The following GNAL variants were observed in gnomAD, a reference collection of about 807,000 sequenced individuals.
GNAL encodes the protein guanine nucleotide-binding protein G(olf) subunit alpha.
In GNAL, 18 loss-of-function variants were observed where a neutral mutation model predicts 55.1. The observed-to-expected ratio is 0.33, with a 90% CI of 0.23 to 0.48. GNAL has a LOEUF of 0.48. Ranked by LOEUF, GNAL falls within the 20% of genes least tolerant of loss-of-function variation. The pLI is 0.99. For missense variants in GNAL, 412 were observed against 614.1 expected (o/e 0.67, Z 3.48); for synonymous variants, 253 against 237.0 (o/e 1.07, Z -0.62).
At chr18:11,795,216 A>G (rs1439539995) in intron 4 of GNAL, among the ~76,000 whole-genome samples, 6 of 152,022 alleles carry the variant, frequency 3.9e-5, no homozygotes, top group African/African-American at 1.4e-4. Flanking sequence ...CCTGGCCAAC[A>G]TGGCAAAACC....
intron 5 of GNAL, among the ~76,000 whole-genome samples, chr18:11,825,327 G>T (rs1383346550): frequency 6.6e-6 from 1 of 152,098 alleles, no homozygotes; most frequent in Non-Finnish European, 1.5e-5. Context: ...CATGGTTATT[G>T]TTATGTTTTG....
intron 5 of GNAL, among the ~76,000 whole-genome samples, chr18:11,839,227 A>T (rs1463878551): frequency 3.3e-5 from 5 of 152,148 alleles, no homozygotes; most frequent in African/African-American, 1.2e-4. Flanking sequence ...TACCATTCAT[A>T]GCCCAGTATT....
intron 4 of GNAL, among the ~76,000 whole-genome samples, chr18:11,806,080 G>A (rs118060954): frequency 0.091 from 13,830 of 152,096 alleles, 669 homozygotes; most frequent in Middle Eastern, 0.15. Context: ...GTTTTAATTT[G>A]CATTTATCTG....
In GNAL at chr18:11,884,918, A is replaced by C; in HGVS notation, c.*3783A>C. On this transcript the variant is annotated 3_prime_UTR_variant, in exon 12 of 12. Coordinates refer to ENST00000334049, the MANE Select transcript of GNAL (RefSeq NM_182978.4). Reference sequence around the variant, plus strand: ...CCCTGGCTCACTGGGTTCCCATCAAATATAGTGGGGGATCCATAACAGAGA... The same window carrying C: ...CCCTGGCTCACTGGGTTCCCATCAACTATAGTGGGGGATCCATAACAGAGA... The C allele has an allele frequency of 7.8e-7, 1 of 1,289,694 alleles. No homozygotes were observed. Among genetic ancestry groups the C allele is most frequent in the Non-Finnish European group, 1.0e-6 (1 of 1,003,104 alleles). The allele number at this position is 1,289,694 out of a possible 1,614,324, so 79.9% of individuals were successfully genotyped here. A position where few individuals can be genotyped will look rare whatever the true frequency, so the allele number is the denominator to read the frequency against.
intron 1 of GNAL, among the ~76,000 whole-genome samples, chr18:11,721,574 G>A (rs1173961193): frequency 6.6e-6 from 1 of 151,640 alleles, no homozygotes; most frequent in Non-Finnish European, 1.5e-5. Context: ...TCGCCAACAT[G>A]GTGAAACCCC....
chr18:11,802,343 G>C (rs1352631216), intron 4 of GNAL, among the ~76,000 whole-genome samples: 3 of 152,172 alleles, frequency 2.0e-5, no homozygotes, highest in African/African-American at 7.2e-5. Flanking sequence ...GAACTGGTTG[G>C]AAGGGAGCTG....
At chr18:11,869,749 C>CA (rs912946057) in intron 9 of GNAL, among the ~76,000 whole-genome samples, 6 of 151,936 alleles carry the variant, frequency 3.9e-5, no homozygotes, top group African/African-American at 1.4e-4. Context: ...CCTGTCTCTA[C>CA]AAAAAATACA....
chr18:11,729,339 C>G (rs1598415320), intron 1 of GNAL, among the ~76,000 whole-genome samples: 2 of 152,168 alleles, frequency 1.3e-5, no homozygotes, highest in African/African-American at 4.8e-5. Flanking sequence ...TCTGCCTTCC[C>G]TAAGCACAGT....
chr18:11,858,134 G>T (rs1419660810), intron 5 of GNAL, among the ~76,000 whole-genome samples: 1 of 151,806 alleles, frequency 6.6e-6, no homozygotes, highest in Non-Finnish European at 1.5e-5. Flanking sequence ...ATTCTTTGAC[G>T]CCAACAACAG....
At position 11,698,335 on chromosome 18, in the gene GNAL, G is replaced by C. The variant is rs575544961; in HGVS notation, c.376+8396G>C. Among the ~76,000 whole-genome samples, 167 of 151,822 alleles carry C rather than the reference G, an allele frequency of 1.1e-3. 1 individual carries two copies. The highest frequency in any genetic ancestry group is 3.8e-3 in the African/African-American group (156 of 41,410). On this transcript the variant is annotated intron_variant, in intron 1 of 11. Transcript: ENST00000334049. ...GTAAAACCTCGCCTCTACTAAAAAT[G>C]CAAAAATTAACTGGGCGTGGTGGTG... is the stretch of plus-strand genomic sequence containing the variant.
chr18:11,796,579 A>AAAAAAAAC (rs2034389170), intron 4 of GNAL, among the ~76,000 whole-genome samples: 10 of 147,102 alleles, frequency 6.8e-5, no homozygotes, highest in Admixed American at 6.7e-4. Flanking sequence ...TTCTCACAAA[A>AAAAAAAAC]AAAAAAAAAA....
At chr18:11,703,506 CTT>C (rs2031627945) in intron 1 of GNAL, among the ~76,000 whole-genome samples, 1 of 152,142 alleles carries the variant, frequency 6.6e-6, no homozygotes. Context: ...TTATGTGACT[CTT>C]TATCTCTGAA....
chr18:11,855,281 AT>A (rs201343515), intron 5 of GNAL, among the ~76,000 whole-genome samples: 2 of 151,340 alleles, frequency 1.3e-5, no homozygotes, highest in Non-Finnish European at 2.9e-5. Context: ...TAACTACAAG[AT>A]TTTTTTTCAC....
chr18:11,872,183 T>A (rs942223355), intron 9 of GNAL, 85 bp from the exon 10 acceptor site: 2 of 797,736 alleles, frequency 2.5e-6, no homozygotes, highest in Non-Finnish European at 4.0e-6. Context: ...ACGATGGTAT[T>A]CTTTTAATTT....
intron 1 of GNAL, among the ~76,000 whole-genome samples, chr18:11,711,075 C>T (rs2031827425): frequency 6.6e-6 from 1 of 152,152 alleles, no homozygotes; most frequent in Admixed American, 6.5e-5. Flanking sequence ...CGAGGTTTCA[C>T]CGTGTTAGCC....
chr18:11,845,299 A>C (rs776447379), intron 5 of GNAL, among the ~76,000 whole-genome samples: 1 of 152,176 alleles, frequency 6.6e-6, no homozygotes, highest in Non-Finnish European at 1.5e-5. Context: ...CTGTCCTTCT[A>C]TCTTCAGGTT....
intron 4 of GNAL, among the ~76,000 whole-genome samples, chr18:11,799,732 A>T (rs193144862): frequency 6.6e-6 from 1 of 152,302 alleles, no homozygotes. Context: ...CAGATAAGGG[A>T]TATTCAGCCT....
chr18:11,789,396 C>T (rs111570889), intron 4 of GNAL, among the ~76,000 whole-genome samples: 40 of 152,270 alleles, frequency 2.6e-4, no homozygotes, highest in African/African-American at 8.9e-4. Flanking sequence ...TCTAACATTA[C>T]GGACTGTGAT....
chr18:11,759,153 A>G (rs147020679), intron 4 of GNAL, among the ~76,000 whole-genome samples: 9,024 of 152,004 alleles, frequency 0.059, 400 homozygotes, highest in African/African-American at 0.12. Context: ...AGCCTGGGCA[A>G]CAGAGCGAGA....
Sources: gnomAD v4.1 joint callset for allele counts (sites outside exome capture counted in the v4.1 genomes callset) on GRCh38, gnomAD v4.1.1 for gene constraint, MANE v1.5 for transcripts, NCBI Gene and HGNC (gene_info 2026-07-23, HGNC 2026-07-21) for gene names.